The following METRNL variants were observed in gnomAD, a reference collection of about 807,000 sequenced individuals.
METRNL encodes meteorin-like protein.
METRNL carries 9 observed loss-of-function variants against 17.4 expected under a neutral mutation model. The observed-to-expected ratio is 0.52, with a 90% CI of 0.31 to 0.90. The LOEUF is 0.90. Ranked by LOEUF, METRNL falls within the 40% of genes least tolerant of loss-of-function variation. The pLI, the probability that METRNL is intolerant of heterozygous loss-of-function variation, is 0.05. For missense variants in METRNL, 408 were observed against 430.7 expected (o/e 0.95, Z 0.47); for synonymous variants, 215 against 199.3 (o/e 1.08, Z -0.66).
At chr17:83,081,269 T>G (rs999920994) in intron 1 of METRNL, among the ~76,000 whole-genome samples, 1 of 152,098 alleles carries the variant, frequency 6.6e-6, no homozygotes, top group Non-Finnish European at 1.5e-5. Context: ...GCGGAGTGAT[T>G]CAGCCCCGGC....
intron 2 of METRNL, among the ~76,000 whole-genome samples, chr17:83,087,664 C>T (rs1332321051): frequency 6.6e-6 from 1 of 152,218 alleles, no homozygotes; most frequent in Non-Finnish European, 1.5e-5. Flanking sequence ...CTGGGCCAGG[C>T]CGGCTCCCCA....
intron 1 of METRNL, 56 bp from the exon 2 acceptor site, chr17:83,084,882 G>C: frequency 6.4e-7 from 1 of 1,559,218 alleles, no homozygotes; most frequent in East Asian, 2.3e-5. Context: ...CTGTGGGTGC[G>C]GGTGGGGTGT....
intron 2 of METRNL, among the ~76,000 whole-genome samples, chr17:83,089,034 C>A (rs1038333534): frequency 5.9e-5 from 9 of 151,762 alleles, no homozygotes; most frequent in Non-Finnish European, 1.0e-4. Flanking sequence ...AGCTTCCTCA[C>A]CAGGAAGAGG....
At chr17:83,094,188 G>C in intron 3 of METRNL, 68 bp from the exon 4 acceptor site, 1 of 1,318,934 alleles carries the variant, frequency 7.6e-7, no homozygotes, top group Non-Finnish European at 1.0e-6. Context: ...GGGGCAGGGG[G>C]AGGTGCGGTG....
At chr17:83,092,195 T>C (rs1305355759) in intron 2 of METRNL, among the ~76,000 whole-genome samples, 1 of 152,172 alleles carries the variant, frequency 6.6e-6, no homozygotes, top group African/African-American at 2.4e-5. Flanking sequence ...ATTTGGGGCA[T>C]GCACCTCATC....
Position 83,079,621 on chromosome 17 carries a change from G to GCGGCGGCGGGCGCGGAGCTCTGCGC in METRNL, c.-194_-170dup, listed in dbSNP as rs2037956539. On this transcript the variant is annotated 5_prime_UTR_variant, in exon 1 of 4. Coordinates refer to ENST00000320095, the MANE Select transcript of METRNL (RefSeq NM_001004431.3). ...ACTCGCCAACTTCAGAGGCTCGGCGGCGGCGGCGGGCGCGGAGCTCTGCGC... is the reference window on the plus strand; with the variant it reads ...ACTCGCCAACTTCAGAGGCTCGGCGGCGGCGGCGGGCGCGGAGCTCTGCGCCGGCGGCGGGCGCGGAGCTCTGCGC... 6.7e-6 allele frequency: 1 copy of GCGGCGGCGGGCGCGGAGCTCTGCGC among 149,666 alleles called. No homozygotes were observed. The highest frequency in any genetic ancestry group is 2.5e-5 in the African/African-American group (1 of 40,736). 9.3% of individuals were successfully genotyped at this position (149,666 alleles called of 1,614,324 possible).
intron 1 of METRNL, among the ~76,000 whole-genome samples, chr17:83,080,856 C>CA (rs1467395579): frequency 5.3e-5 from 8 of 149,734 alleles, no homozygotes; most frequent in Non-Finnish European, 8.9e-5. Flanking sequence ...CCCCTCGGCG[C>CA]GGCCCCCGCC....
intron 1 of METRNL, chr17:83,082,380 G>A (rs1331449889): frequency 1.2e-5 from 5 of 401,920 alleles, no homozygotes; most frequent in African/African-American, 2.2e-5. Context: ...CCCCCCTTCA[G>A]TGAGTCCCTT....
At chr17:83,081,687 C>A (rs1328765481) in intron 1 of METRNL, among the ~76,000 whole-genome samples, 1 of 151,918 alleles carries the variant, frequency 6.6e-6, no homozygotes, top group Non-Finnish European at 1.5e-5. Flanking sequence ...CACAGGGGAC[C>A]CCCCCCAACA....
chr17:83,084,678 C>T (rs942169941), intron 1 of METRNL: 12 of 542,222 alleles, frequency 2.2e-5, no homozygotes, highest in Admixed American at 1.4e-4. Flanking sequence ...CCTGCACTCC[C>T]GGGAGCTCGG....
At chr17:83,083,329 G>C (rs140795024) in intron 1 of METRNL, among the ~76,000 whole-genome samples, 1 of 152,230 alleles carries the variant, frequency 6.6e-6, no homozygotes, top group Non-Finnish European at 1.5e-5. Flanking sequence ...GTGTCAGGAC[G>C]GTGTATGTGG....
At chr17:83,084,862 C>A in intron 1 of METRNL, 76 bp from the exon 2 acceptor site, 1 of 1,529,042 alleles carries the variant, frequency 6.5e-7, no homozygotes, top group Non-Finnish European at 8.8e-7. Context: ...GTATCGTCCT[C>A]ACTGACTCTC....
At position 83,079,628 on chromosome 17, in the gene METRNL, C is replaced by T. The variant is rs951303217; in HGVS notation, c.-188C>T. On this transcript the variant is annotated 5_prime_UTR_variant, in exon 1 of 4. Coordinates refer to ENST00000320095, the MANE Select transcript of METRNL (RefSeq NM_001004431.3). The stretch of plus-strand genomic sequence containing the variant: ...AACTTCAGAGGCTCGGCGGCGGCGG[C>T]GGGCGCGGAGCTCTGCGCGCGGCTC... The T allele has an allele frequency of 2.0e-5, 3 of 150,776 alleles. No homozygotes were observed. The highest frequency in any genetic ancestry group is 4.9e-5 in the African/African-American group (2 of 40,636). The allele number at this position is 150,776 out of a possible 1,614,324, so 9.3% of individuals were successfully genotyped here.
chr17:83,089,648 C>T (rs113967605), intron 2 of METRNL, among the ~76,000 whole-genome samples: 1 of 152,030 alleles, frequency 6.6e-6, no homozygotes, highest in Non-Finnish European at 1.5e-5. Context: ...GCCGACCCTC[C>T]CCACCGCCCT....
chr17:83,092,800 G>A (rs746364981), intron 2 of METRNL, among the ~76,000 whole-genome samples: 2 of 152,170 alleles, frequency 1.3e-5, no homozygotes, highest in African/African-American at 2.4e-5. Flanking sequence ...GAGGAGATAA[G>A]TGGGGAAAGA....
Position 83,094,343 on chromosome 17 carries a change from A to G in METRNL, c.704A>G (p.Gln235Arg). 5.6e-6 allele frequency: 9 copies of G among 1,610,716 alleles called. No individual in the cohort carries two copies. The highest frequency in any genetic ancestry group is 7.6e-6 in the Non-Finnish European group (9 of 1,178,382). ...IHLRVSRLYR[Q>R]KSRVFEPVPE... The stretch of plus-strand genomic sequence containing the variant: ...CTGCGCGTGAGCAGACTCTATCGGC[A>G]GAAAAGCAGGGTCTTCGAGCCGGTG... Residue 235 changes from glutamine (Q) to arginine (R), a missense_variant, in exon 4 of 4, where the codon CAG becomes CGG. Physicochemically the swap from Gln to Arg is conservative, Grantham distance 43 (BLOSUM62 1). Transcript: ENST00000320095.
chr17:83,093,766 G>A (rs1310081939), intron 3 of METRNL, among the ~76,000 whole-genome samples: 1 of 152,090 alleles, frequency 6.6e-6, no homozygotes, highest in Non-Finnish European at 1.5e-5. Flanking sequence ...GTGGTGCCGT[G>A]GAAGCCATGT....
At chr17:83,082,209 C>T in intron 1 of METRNL, 1 of 985,472 alleles carries the variant, frequency 1.0e-6, no homozygotes, top group South Asian at 4.7e-5. Flanking sequence ...GGTGCGGTCA[C>T]ACCTGGTTCG....
chr17:83,094,144 G>T, intron 3 of METRNL, 112 bp from the exon 4 acceptor site: 1 of 882,700 alleles, frequency 1.1e-6, no homozygotes, highest in Non-Finnish European at 1.7e-6. Flanking sequence ...GCAGAGTCGG[G>T]GGTCAGCTGC....
Sources: gnomAD v4.1 joint callset for allele counts (sites outside exome capture counted in the v4.1 genomes callset) on GRCh38, gnomAD v4.1.1 for gene constraint, MANE v1.5 for transcripts, NCBI Gene and HGNC (gene_info 2026-07-23, HGNC 2026-07-21) for gene names.